YWHAZ: variants seen among roughly 807,000 people sequenced by gnomAD.
YWHAZ encodes the protein tyrosine 3-monooxygenase/tryptophan 5-monooxygenase activation protein zeta.
For synonymous variants in YWHAZ, 87 were observed against 103.6 expected (o/e 0.84, Z 0.97); for missense variants, 79 against 284.8 (o/e 0.28, Z 5.20).
intron 2 of YWHAZ, among the ~76,000 whole-genome samples, chr8:100,942,823 CAT>C (rs1241841059): frequency 6.6e-6 from 1 of 152,080 alleles, no homozygotes; most frequent in Non-Finnish European, 1.5e-5. Flanking sequence ...ATACATGCAA[CAT>C]AGAACTGAAA....
intron 2 of YWHAZ, among the ~76,000 whole-genome samples, chr8:100,944,777 T>C (rs1357555637): frequency 2.0e-5 from 3 of 152,204 alleles, no homozygotes; most frequent in Non-Finnish European, 4.4e-5. Flanking sequence ...TTTACCTGAC[T>C]CTCATTCCCC....
At chr8:100,943,515 TTA>T (rs1281915913) in intron 2 of YWHAZ, among the ~76,000 whole-genome samples, 2 of 152,204 alleles carry the variant, frequency 1.3e-5, no homozygotes, top group Admixed American at 6.5e-5. Flanking sequence ...TAATTCAGTA[TTA>T]TAAAGACAGA....
chr8:100,930,751 T>G (rs1393566759), intron 2 of YWHAZ, among the ~76,000 whole-genome samples: 1 of 152,174 alleles, frequency 6.6e-6, no homozygotes, highest in Non-Finnish European at 1.5e-5. Flanking sequence ...CCTGCTCCCA[T>G]TAACTTTTAA....
At chr8:100,930,628 T>C (rs1046685581) in intron 2 of YWHAZ, among the ~76,000 whole-genome samples, 1 of 152,244 alleles carries the variant, frequency 6.6e-6, no homozygotes, top group Non-Finnish European at 1.5e-5. Flanking sequence ...TACTTCAAAA[T>C]GTGGATGTAA....
intron 2 of YWHAZ, among the ~76,000 whole-genome samples, chr8:100,941,427 C>G (rs1459221986): frequency 6.6e-6 from 1 of 152,114 alleles, no homozygotes; most frequent in Non-Finnish European, 1.5e-5. Flanking sequence ...CTTGGTATAA[C>G]GCTAATTTTT....
chr8:100,948,570 T>C lies in YWHAZ; in HGVS notation c.294+26A>G. 6.2e-7 allele frequency: 1 copy of C among 1,606,060 alleles called. No homozygotes were observed. ...TACTCATAGGGACCCTACAGTATAA[T>C]GAAGCCAGACTGAATTGATTCTCAC... is the stretch of plus-strand genomic sequence containing the variant. On this transcript the variant is annotated intron_variant, in intron 2 of 5. Transcript: ENST00000395958. The surrounding 1 kb of genome is among the most constrained non-coding windows in gnomAD (Gnocchi z 4.2).
intron 5 of YWHAZ, chr8:100,923,682 A>G (rs1813178035): frequency 3.8e-6 from 1 of 261,242 alleles, no homozygotes; most frequent in African/African-American, 2.2e-5. Context: ...GAACTAAAAC[A>G]TGTAGAGTCT....
At chr8:100,940,367 G>T (rs1809737993) in intron 2 of YWHAZ, among the ~76,000 whole-genome samples, 1 of 152,022 alleles carries the variant, frequency 6.6e-6, no homozygotes, top group African/African-American at 2.4e-5. Flanking sequence ...CTACATGGGG[G>T]ACTATATTTT....
chr8:100,934,664 C>T (rs897860553), intron 2 of YWHAZ, among the ~76,000 whole-genome samples: 9 of 151,996 alleles, frequency 5.9e-5, no homozygotes, highest in South Asian at 2.1e-4. Context: ...CCAACCTGGG[C>T]GATAGGGCGA....
Position 100,918,943 on chromosome 8 carries a change from AGAG to A in YWHAZ, c.*1747_*1749del, listed in dbSNP as rs1419878413. ...TTAGCCCCATCATTATTTAGAGAAT[AGAG>A]GAGGAAGAAAGAGGAAGGATTTTAA... On this transcript the variant is annotated 3_prime_UTR_variant, in exon 6 of 6. Transcript: ENST00000395958. The A allele has an allele frequency of 9.2e-5, 14 of 152,610 alleles. No homozygotes were observed. The highest frequency in any genetic ancestry group is 2.7e-4 in the African/African-American group (11 of 41,452). The allele number at this position is 152,610 out of a possible 1,614,324, so 9.5% of individuals were successfully genotyped here.
At chr8:100,931,917 GAAC>G (rs1221710979) in intron 2 of YWHAZ, 2 of 151,960 alleles carry the variant, frequency 1.3e-5, no homozygotes, top group East Asian at 3.9e-4. Flanking sequence ...ACATATCAAA[GAAC>G]AAAAGAAAAA....
At chr8:100,952,940 A>G, upstream of YWHAZ, 1 of 999,996 alleles carries the variant, frequency 1.0e-6, no homozygotes, top group Non-Finnish European at 1.2e-6. Flanking sequence ...AGTGATGGGG[A>G]GGCGTTCCAA....
intron 1 of YWHAZ, chr8:100,951,632 C>G (rs1810792646): frequency 2.0e-6 from 2 of 985,142 alleles, no homozygotes; most frequent in African/African-American, 3.5e-5. Context: ...GGGAGATCCC[C>G]AGGGATCTCG....
chr8:100,939,720 A>G (rs980770891), intron 2 of YWHAZ, among the ~76,000 whole-genome samples: 1 of 151,994 alleles, frequency 6.6e-6, no homozygotes, highest in African/African-American at 2.4e-5. Context: ...TTGTTCCTAA[A>G]GATTAAAAGT....
intron 2 of YWHAZ, among the ~76,000 whole-genome samples, chr8:100,925,516 G>GAAC (rs2130127669): frequency 6.6e-6 from 1 of 152,144 alleles, no homozygotes; most frequent in East Asian, 1.9e-4. Flanking sequence ...AGAGAAGGAG[G>GAAC]AACAAAATAA....
At chr8:100,947,628 C>CA (rs1427149597) in intron 2 of YWHAZ, among the ~76,000 whole-genome samples, 7 of 152,216 alleles carry the variant, frequency 4.6e-5, no homozygotes, top group Non-Finnish European at 8.8e-5. Flanking sequence ...CCCAAACCCA[C>CA]AACCACATCA....
At chr8:100,928,214 A>G (rs969219222) in intron 2 of YWHAZ, among the ~76,000 whole-genome samples, 1 of 152,044 alleles carries the variant, frequency 6.6e-6, no homozygotes, top group Non-Finnish European at 1.5e-5. Flanking sequence ...CGGGAGGCGG[A>G]GCTTGCAGTG....
At chr8:100,923,886 A>T (rs1001230669) in intron 5 of YWHAZ, 69 bp downstream of exon 5, 6 of 1,346,624 alleles carry the variant, frequency 4.5e-6, no homozygotes, top group Non-Finnish European at 6.0e-6. Flanking sequence ...AATAAAAAAA[A>T]AAATTCCCTA....
rs1445306432 is a variant in YWHAZ, at chr8:100,919,494, AAG to A, written c.*1197_*1198del. The stretch of plus-strand genomic sequence containing the variant: ...ACTCATTTTTTTCAGGGTGGGGAGG[AAG>A]AGAGGGGATCATGGGACATGGAAAC... On this transcript the variant is annotated 3_prime_UTR_variant, in exon 6 of 6. Transcript: ENST00000395958. The A allele has an allele frequency of 2.0e-5, 3 of 152,190 alleles. No individual in the cohort carries two copies. Among genetic ancestry groups the A allele is most frequent in the South Asian group, 2.1e-4 (1 of 4,826 alleles). The allele number at this position is 152,190 out of a possible 1,614,324, so 9.4% of individuals were successfully genotyped here. A position where few individuals can be genotyped will look rare whatever the true frequency, so the allele number is the denominator to read the frequency against.
Sources: allele counts gnomAD v4.1 joint callset (sites outside exome capture counted in the v4.1 genomes callset), GRCh38; gene constraint gnomAD v4.1.1; non-coding constraint Gnocchi (gnomAD v3.1); transcripts MANE v1.5; gene names NCBI Gene and HGNC (gene_info 2026-07-23, HGNC 2026-07-21).